Variants in ZNF182 observed in about 807,000 individuals in gnomAD.
The protein encoded by ZNF182 is zinc finger protein 182.
A neutral mutation model predicts 28.1 loss-of-function variants in ZNF182; 10 were observed. The ratio of observed to expected loss-of-function variants is 0.36; its 90% CI spans 0.22 to 0.60. The LOEUF (loss-of-function observed/expected upper bound fraction) is 0.60. Among genes scored for constraint, ZNF182 ranks in the 20% least tolerant of loss-of-function variants. The pLI, the probability that ZNF182 is intolerant of heterozygous loss-of-function variation, is 0.75. For synonymous variants in ZNF182, 156 were observed against 158.7 expected, an observed-to-expected ratio of 0.98 and a Z score of 0.13; for missense variants, 352 against 453.2, an observed-to-expected ratio of 0.78 and a Z score of 2.03.
chrX:47,976,214 C>T lies in ZNF182; in HGVS notation c.1816G>A (p.Ala606Thr). ...VHQRTHAGKK[A>T]HGRGHTRKSK... is the part of the protein sequence containing the mutation. ...TTCCGAGTGTGGCCTCTTCCATGGG[C>T]TTTCTTTCCTGCATGGGTTCGCTGA... The change falls in exon 6 of 6, where the codon GCC becomes ACC. Residue 606 changes from alanine (A) to threonine (T), a missense_variant. Physicochemically the swap from Ala to Thr is moderately conservative, Grantham distance 58. Coordinates refer to ENST00000376943, the MANE Select transcript of ZNF182 (RefSeq NM_001007088.2). 1 of 1,174,634 alleles carries T rather than the reference C, an allele frequency of 8.5e-7. No individual in the cohort carries two copies. The highest frequency in any genetic ancestry group is 1.1e-6 in the Non-Finnish European group (1 of 880,591).
At chrX:47,981,611 T>G (rs2058905848) in intron 5 of ZNF182, among the ~76,000 whole-genome samples, 1 of 112,272 alleles carries the variant, frequency 8.9e-6, no homozygotes, top group Non-Finnish European at 1.9e-5. Flanking sequence ...ATAGAATTAT[T>G]CCAGTGGGGC....
At chrX:47,992,765 TG>T (rs1327018671) in intron 3 of ZNF182, among the ~76,000 whole-genome samples, 1 of 111,361 alleles carries the variant, frequency 9.0e-6, no homozygotes, top group Non-Finnish European at 1.9e-5. Flanking sequence ...GTGTCTCACC[TG>T]CCCCACACAC....
chrX:47,991,663 C>A (rs1256171351), intron 3 of ZNF182, among the ~76,000 whole-genome samples: 1 of 111,472 alleles, frequency 9.0e-6, no homozygotes, highest in African/African-American at 3.3e-5. Flanking sequence ...CAACTATAAA[C>A]CCTGAAAGTG....
chrX:47,993,682 G>A (rs1367343898), intron 3 of ZNF182, among the ~76,000 whole-genome samples: 1 of 111,995 alleles, frequency 8.9e-6, no homozygotes, highest in Non-Finnish European at 1.9e-5. Context: ...AGAAACAGAA[G>A]TTATAAAACA....
chrX:47,992,022 T>C (rs1239390624), intron 3 of ZNF182, among the ~76,000 whole-genome samples: 2 of 111,253 alleles, frequency 1.8e-5, no homozygotes, highest in Non-Finnish European at 3.8e-5. Flanking sequence ...ACACTCCCTC[T>C]CCACTTCAAG....
chrX:48,003,910 C>G lies in ZNF182; in HGVS notation c.-241G>C, dbSNP rs955476385. On this transcript the variant is annotated splice_region_variant and 5_prime_UTR_variant, in exon 1 of 6. Transcript: ENST00000376943. ...TAGCACTTGCCCCCTCAACCTCACT[C>G]TCTCTCGATAACAGATTTTCTGCTC... 2 of 111,039 alleles carry G rather than the reference C, an allele frequency of 1.8e-5. No individual in the cohort carries two copies. Among genetic ancestry groups the G allele is most frequent in the African/African-American group, 6.6e-5 (2 of 30,487 alleles). The allele number at this position is 111,039 out of a possible 1,213,427, so 9.2% of individuals were successfully genotyped here. A position where few individuals can be genotyped will look rare whatever the true frequency, so the allele number is the denominator to read the frequency against.
At chrX:47,978,122 T>C (rs2058892637) in intron 5 of ZNF182, among the ~76,000 whole-genome samples, 1 of 111,460 alleles carries the variant, frequency 9.0e-6, no homozygotes, top group Non-Finnish European at 1.9e-5. Flanking sequence ...GGCTGGAGTT[T>C]AGGGGCAAAA....
rs1170194403 is a variant in ZNF182 at position 47,978,002 on chromosome X, T to TA, written c.233-206dup. On this transcript the variant is annotated intron_variant, in intron 5 of 5. Transcript: ENST00000376943. ...CTGACACCTCAGTCTTTCTTACGTC[T>TA]ATTTATACATCATACCTGACTTCTA... is the stretch of plus-strand genomic sequence containing the variant. Among the ~76,000 whole-genome samples, 4 of 111,935 alleles carry TA rather than the reference T, an allele frequency of 3.6e-5. No homozygotes were observed. The South Asian group carries it at 1.5e-3, about 42-fold the overall frequency.
At chrX:47,988,411 T>A in intron 3 of ZNF182, 1 of 327,021 alleles carries the variant, frequency 3.1e-6, no homozygotes, top group Non-Finnish European at 5.5e-6. Context: ...CTTGGTGCCA[T>A]TCCTTTGGTG....
chrX:47,993,270 T>C (rs1484503023), intron 3 of ZNF182, among the ~76,000 whole-genome samples: 1 of 112,486 alleles, frequency 8.9e-6, no homozygotes, highest in African/African-American at 3.2e-5. Context: ...AAGGAAACCC[T>C]GTACCCTCCC....
rs781951222 is a variant in ZNF182, at chrX:48,003,624, G to C, written c.-161C>G. ...CCACCTCGGGGCTTGGGCAAGGGGA[G>C]AGGGCAGAGGGAGAAGCGGGGCGCG... On this transcript the variant is annotated 5_prime_UTR_variant, in exon 2 of 6. Transcript: ENST00000376943. 1 of 112,344 alleles carries C rather than the reference G, an allele frequency of 8.9e-6. No homozygotes were observed. The highest frequency in any genetic ancestry group is 9.4e-5 in the Admixed American group (1 of 10,672). The allele number at this position is 112,344 out of a possible 1,213,427, so 9.3% of individuals were successfully genotyped here. A position where few individuals can be genotyped will look rare whatever the true frequency, so the allele number is the denominator to read the frequency against.
In ZNF182 at chrX:48,002,663, G is replaced by C; in HGVS notation, c.-44-10C>G. 5 of 1,196,249 alleles carry C rather than the reference G, an allele frequency of 4.2e-6. No homozygotes were observed. In the Middle Eastern group the frequency reaches 1.2e-3, roughly 277 times the overall value. On this transcript the variant is annotated splice_polypyrimidine_tract_variant and intron_variant, in intron 2 of 5. Coordinates refer to ENST00000376943, the MANE Select transcript of ZNF182 (RefSeq NM_001007088.2). ...ATGTGTGACGGCCGAGCTGGAACAA[G>C]TGGAGAAGAGTACAGCAGATGAGGA...
chrX:47,979,863 TGG>T, intron 5 of ZNF182, among the ~76,000 whole-genome samples: 1 of 69,526 alleles, frequency 1.4e-5, no homozygotes, highest in Admixed American at 1.8e-4. Context: ...AAAGTGTGTG[TGG>T]GGTGTGTGTG....
chrX:47,998,543 T>G (rs782328081), intron 3 of ZNF182, among the ~76,000 whole-genome samples: 2 of 111,633 alleles, frequency 1.8e-5, no homozygotes, highest in African/African-American at 6.5e-5. Flanking sequence ...TATGAAAATG[T>G]GTGGGATGCA....
chrX:47,983,055 A>T lies in ZNF182; in HGVS notation c.143-17T>A. On this transcript the variant is annotated splice_polypyrimidine_tract_variant and intron_variant, in intron 4 of 5. Transcript: ENST00000376943. ...CCTGCTGCCCTGTTGATGAGAAATG[A>T]CAGTGATACCTCCTTGGCTTTCAGA... The T allele has an allele frequency of 8.3e-7, 1 of 1,203,823 alleles. No individual in the cohort carries two copies. The highest frequency in any genetic ancestry group is 1.1e-6 in the Non-Finnish European group (1 of 888,565).
At chrX:47,990,902 CAAG>C (rs2058939223) in intron 3 of ZNF182, among the ~76,000 whole-genome samples, 1 of 111,900 alleles carries the variant, frequency 8.9e-6, no homozygotes, top group African/African-American at 3.3e-5. Flanking sequence ...AATGTCTCCA[CAAG>C]AATACAGACA....
At chrX:47,998,849 C>T (rs139203820) in intron 3 of ZNF182, among the ~76,000 whole-genome samples, 737 of 61,671 alleles carry the variant, frequency 0.012, 5 homozygotes, top group African/African-American at 0.037. Flanking sequence ...AGCGAGACTC[C>T]GTCTCAAAAA....
chrX:47,995,487 T>C (rs1366246718), intron 3 of ZNF182, among the ~76,000 whole-genome samples: 1 of 110,870 alleles, frequency 9.0e-6, no homozygotes, highest in East Asian at 2.8e-4. Context: ...ATCCCAAAAA[T>C]AGAAAAAACA....
At chrX:47,982,208 C>G (rs1350997869) in intron 5 of ZNF182, among the ~76,000 whole-genome samples, 1 of 111,790 alleles carries the variant, frequency 8.9e-6, no homozygotes, top group African/African-American at 3.3e-5. Context: ...GTGAAAGAAA[C>G]CAGACATAAA....
Sources: allele counts gnomAD v4.1 joint callset (sites outside exome capture counted in the v4.1 genomes callset), GRCh38; gene constraint gnomAD v4.1.1; transcripts MANE v1.5; gene names NCBI Gene and HGNC (gene_info 2026-07-23, HGNC 2026-07-21).